Variants in DTNA observed in about 807,000 individuals in gnomAD.
DTNA encodes the protein dystrophin-related protein 3.
Under a neutral mutation model 100.7 loss-of-function variants are expected in DTNA, and 43 were observed. That is an observed-to-expected ratio of 0.43 (90% CI 0.33 to 0.55). The LOEUF (loss-of-function observed/expected upper bound fraction) is 0.55, where lower values mean the gene tolerates loss of function less well. Among genes scored for constraint, DTNA ranks in the 20% least tolerant of loss-of-function variants. The probability of loss-of-function intolerance (pLI) is 0.04; values close to 1 mark genes in which losing one functional copy is unlikely to be tolerated. For synonymous variants in DTNA, 349 were observed against 347.9 expected (o/e 1.00, Z -0.04); for missense variants, 798 against 953.9 (o/e 0.84, Z 2.15).
At chr18:34,744,457 G>GA (rs58885416) in intron 1 of DTNA, among the ~76,000 whole-genome samples, 5,102 of 152,030 alleles carry the variant, frequency 0.034, 299 homozygotes, top group African/African-American at 0.12. Context: ...TCTTGACCAG[G>GA]AAAAAAATAT....
intron 17 of DTNA, among the ~76,000 whole-genome samples, chr18:34,864,402 C>G (rs1257939844): frequency 6.6e-6 from 1 of 152,028 alleles, no homozygotes; most frequent in Non-Finnish European, 1.5e-5. Flanking sequence ...TACAGGCCCC[C>G]GCCACCGCGC....
intron 3 of DTNA, among the ~76,000 whole-genome samples, chr18:34,786,849 A>G (rs774791177): frequency 3.3e-5 from 5 of 152,340 alleles, no homozygotes; most frequent in South Asian, 2.1e-4. Flanking sequence ...GTTAAACTGC[A>G]TAAATTAATT....
Position 34,889,520 on chromosome 18 carries a change from A to T in DTNA, c.*1786A>T, listed in dbSNP as rs954046369. The stretch of plus-strand genomic sequence containing the variant: ...CACTTTTGCTTCTGGGGCTGGCAAA[A>T]ACCTTCTCTGAACCCACACACCAAG... On this transcript the variant is annotated 3_prime_UTR_variant, in exon 23 of 23. Coordinates refer to ENST00000444659, the MANE Select transcript of DTNA (RefSeq NM_001386795.1). 1 of 985,380 alleles carries T rather than the reference A, an allele frequency of 1.0e-6. No homozygotes were observed. The highest frequency in any genetic ancestry group is 1.7e-5 in the African/African-American group (1 of 57,326). 61.0% of individuals were successfully genotyped at this position (985,380 alleles called of 1,614,324 possible).
In DTNA at chr18:34,634,225, C is replaced by T. The variant is rs1200057256; in HGVS notation, c.-1-121751C>T. 7.9e-5 allele frequency among the ~76,000 whole-genome samples: 12 copies of T among 152,232 alleles called. No individual in the cohort carries two copies. The South Asian group carries it at 1.5e-3, about 18-fold the overall frequency. ...CCCAAAATGCATTTCTGTACGTTAG[C>T]TATTCTCAAACTTTTTAGTCTCCAA... On this transcript the variant is annotated intron_variant, in intron 1 of 19. Coordinates refer to the DTNA transcript ENST00000283365.
intron 1 of DTNA, among the ~76,000 whole-genome samples, chr18:34,743,196 C>T (rs959962538): frequency 3.3e-5 from 5 of 152,124 alleles, no homozygotes; most frequent in Admixed American, 6.5e-5. Flanking sequence ...AGCCAGTCAA[C>T]GCTGGTCTTG....
At chr18:34,494,409 C>G (rs1359685469) in intron 1 of DTNA, among the ~76,000 whole-genome samples, 1 of 152,066 alleles carries the variant, frequency 6.6e-6, no homozygotes, top group Non-Finnish European at 1.5e-5. Context: ...GTGTCTTCGG[C>G]TTTTATAGCC....
intron 1 of DTNA, among the ~76,000 whole-genome samples, chr18:34,569,764 A>G (rs1219276183): frequency 6.6e-6 from 1 of 152,066 alleles, no homozygotes; most frequent in African/African-American, 2.4e-5. Flanking sequence ...GGTTGGGGGA[A>G]GTCAATCTTT....
At chr18:34,561,228 T>G (rs1003565127) in intron 1 of DTNA, among the ~76,000 whole-genome samples, 1 of 152,168 alleles carries the variant, frequency 6.6e-6, no homozygotes, top group East Asian at 1.9e-4. Context: ...ATCACTTTCT[T>G]TCAAAGATAA....
chr18:34,518,234 T>C (rs1014808057), intron 1 of DTNA, among the ~76,000 whole-genome samples: 1 of 152,154 alleles, frequency 6.6e-6, no homozygotes, highest in Non-Finnish European at 1.5e-5. Flanking sequence ...AACCCCTTTT[T>C]TGAAATGTCT....
At chr18:34,874,507 T>G (rs2096795952) in intron 17 of DTNA, among the ~76,000 whole-genome samples, 1 of 152,244 alleles carries the variant, frequency 6.6e-6, no homozygotes, top group African/African-American at 2.4e-5. Flanking sequence ...TTCAGTTGTT[T>G]TCTACTTTTT....
chr18:34,737,600 C>G (rs1166035894), intron 1 of DTNA, among the ~76,000 whole-genome samples: 1 of 152,162 alleles, frequency 6.6e-6, no homozygotes, highest in Non-Finnish European at 1.5e-5. Context: ...TGTGAATTCT[C>G]ACTTCCAGCC....
At chr18:34,678,891 CATAATT>C (rs2077717998) in intron 1 of DTNA, among the ~76,000 whole-genome samples, 1 of 152,170 alleles carries the variant, frequency 6.6e-6, no homozygotes, top group African/African-American at 2.4e-5. Context: ...TACTACACAA[CATAATT>C]ATATGGATTA....
chr18:34,753,554 T>C (rs1466836112), intron 1 of DTNA, among the ~76,000 whole-genome samples: 1 of 146,916 alleles, frequency 6.8e-6, no homozygotes, highest in African/African-American at 2.7e-5. Context: ...GGCTAATTTT[T>C]TGTATTTTTA....
chr18:34,754,327 G>A (rs1377751368), intron 1 of DTNA, among the ~76,000 whole-genome samples: 1 of 152,004 alleles, frequency 6.6e-6, no homozygotes, highest in African/African-American at 2.4e-5. Context: ...TTTATCCTCA[G>A]GAAATCAACC....
chr18:34,498,863 C>T (rs2039579344), intron 1 of DTNA, among the ~76,000 whole-genome samples: 2 of 152,116 alleles, frequency 1.3e-5, no homozygotes, highest in Non-Finnish European at 2.9e-5. Flanking sequence ...TTTGCATTGC[C>T]AAACATAATC....
chr18:34,807,862 TTTTTTC>T (rs1184676399), intron 5 of DTNA, among the ~76,000 whole-genome samples: 1 of 149,000 alleles, frequency 6.7e-6, no homozygotes, highest in East Asian at 2.0e-4. Flanking sequence ...TTTTCTTTTT[TTTTTTC>T]AAAAAAAAAG....
intron 16 of DTNA, among the ~76,000 whole-genome samples, chr18:34,862,487 A>G (rs1328958300): frequency 6.6e-6 from 1 of 151,920 alleles, no homozygotes; most frequent in African/African-American, 2.4e-5. Context: ...ATATTTATAA[A>G]TTTTAAATTC....
At position 34,605,295 on chromosome 18, in the gene DTNA, A is replaced by T. The variant is rs915324204; in HGVS notation, c.-2+111781A>T. Reference sequence around the variant, plus strand: ...TTGTTCTATATTTGTAAAAAAACAAAAACTTATTTTGAATACCAAATGTAT... The same window carrying T: ...TTGTTCTATATTTGTAAAAAAACAATAACTTATTTTGAATACCAAATGTAT... On this transcript the variant is annotated intron_variant, in intron 1 of 19. Transcript: ENST00000283365. Among the ~76,000 whole-genome samples the T allele has an allele frequency of 8.5e-5, 13 of 152,268 alleles. No individual in the cohort carries two copies. The East Asian group carries it at 1.2e-3, about 14-fold the overall frequency.
intron 1 of DTNA, among the ~76,000 whole-genome samples, chr18:34,687,070 T>G (rs2079007358): frequency 6.6e-6 from 1 of 152,202 alleles, no homozygotes; most frequent in African/African-American, 2.4e-5. Flanking sequence ...CTATCTATTT[T>G]GTTAATCTTT....
Sources: gnomAD v4.1 joint callset for allele counts (sites outside exome capture counted in the v4.1 genomes callset) on GRCh38, gnomAD v4.1.1 for gene constraint, MANE v1.5 for transcripts, NCBI Gene and HGNC (gene_info 2026-07-23, HGNC 2026-07-21) for gene names.